Variants in OR6K3 observed in about 807,000 individuals in gnomAD.
OR6K3 encodes olfactory receptor family 6 subfamily K member 3.
For missense variants in OR6K3, 396 were observed against 382.5 expected, an observed-to-expected ratio of 1.04 and a Z score of -0.29; for synonymous variants, 169 against 137.7, an observed-to-expected ratio of 1.23 and a Z score of -1.59.
Position 158,717,711 on chromosome 1 carries a change from G to A in OR6K3, c.405C>T (p.Ile135=), listed in dbSNP as rs1226236007. 5.0e-6 allele frequency: 8 copies of A among 1,613,704 alleles called. No homozygotes were observed. Among genetic ancestry groups the A allele is most frequent in the Non-Finnish European group, 6.8e-6 (8 of 1,179,852 alleles). The change falls in exon 2 of 2, where the codon ATC becomes ATT. Residue 135 remains isoleucine, a synonymous_variant. Coordinates refer to ENST00000368145, the MANE Select transcript of OR6K3 (RefSeq NM_001005327.3). ...AICNPLRYQM[I]MTPRLCAQLS... ...GTTGAGCACAGAGCCGGGGGGTCATGATCATTTGATAGCGAAGAGGGTTGC... is the reference window on the plus strand; with the variant it reads ...GTTGAGCACAGAGCCGGGGGGTCATAATCATTTGATAGCGAAGAGGGTTGC...
In OR6K3 at chr1:158,717,360, G is replaced by A. The variant is rs746251414; in HGVS notation, c.756C>T (p.Gly252=). 19 of 1,613,720 alleles carry A rather than the reference G, an allele frequency of 1.2e-5. No homozygotes were observed. Among genetic ancestry groups the A allele is most frequent in the Non-Finnish European group, 1.6e-5 (19 of 1,179,770 alleles). ...AACGCAAGTACATGAGTGATACACT[G>A]CCAAAGAATATCGGGAAGACCATGA... ...GHLMVFPIFF[G]SVSLMYLRFS... The change falls in exon 2 of 2, where the codon GGC becomes GGT. Residue 252 remains glycine, a synonymous_variant. Coordinates refer to ENST00000368145, the MANE Select transcript of OR6K3 (RefSeq NM_001005327.3).
In OR6K3 at chr1:158,716,403, T is replaced by C. The variant is rs1656144853; in HGVS notation, c.*765A>G. The C allele has an allele frequency of 6.6e-6, 1 of 152,110 alleles. No homozygotes were observed. The highest frequency in any genetic ancestry group is 1.9e-4 in the East Asian group (1 of 5,186). The allele number at this position is 152,110 out of a possible 1,614,324, so 9.4% of individuals were successfully genotyped here. A position where few individuals can be genotyped will look rare whatever the true frequency, so the allele number is the denominator to read the frequency against. ...GTAACTACATAACTAAAAATAAAGA[T>C]ATAACTTAATTAAATGTTGTTTGGG... On this transcript the variant is annotated 3_prime_UTR_variant, in exon 2 of 2. Coordinates refer to ENST00000368145, the MANE Select transcript of OR6K3 (RefSeq NM_001005327.3).
upstream of OR6K3, among the ~76,000 whole-genome samples, chr1:158,723,918 C>T (rs394285): frequency 5.7e-4 from 86 of 152,038 alleles, no homozygotes; most frequent in African/African-American, 1.9e-3. Context: ...CTATATTTTA[C>T]CCACCTGTAT....
upstream of OR6K3, among the ~76,000 whole-genome samples, chr1:158,722,099 CTACT>C (rs1656293721): frequency 6.6e-6 from 1 of 151,894 alleles, no homozygotes; most frequent in South Asian, 2.1e-4. Context: ...AGTAATCCAA[CTACT>C]TATTGGGCTA....
Position 158,717,704 on chromosome 1 carries a change from G to C in OR6K3, c.412C>G (p.Pro138Ala). 6.2e-7 allele frequency: 1 copy of C among 1,613,810 alleles called. No individual in the cohort carries two copies. The highest frequency in any genetic ancestry group is 8.5e-7 in the Non-Finnish European group (1 of 1,179,854). Residue 138 changes from proline (P) to alanine (A), a missense_variant, in exon 2 of 2, where the codon CCC (proline) becomes GCC (alanine). Physicochemically the swap from Pro to Ala is conservative, Grantham distance 27. Coordinates refer to ENST00000368145, the MANE Select transcript of OR6K3 (RefSeq NM_001005327.3). ...NPLRYQMIMT[P>A]RLCAQLSAGS... ...GCAGAGAGTTGAGCACAGAGCCGGG[G>C]GGTCATGATCATTTGATAGCGAAGA...
chr1:158,716,929 C>G lies in OR6K3; in HGVS notation c.*239G>C. ...GGTCAGGAGTTCAAGACCAGCCTGA[C>G]CAACACAGTGAAACCCCATCTCCAC... On this transcript the variant is annotated 3_prime_UTR_variant, in exon 2 of 2. Transcript: ENST00000368145. 2.5e-6 allele frequency: 1 copy of G among 392,574 alleles called. No homozygotes were observed. Among genetic ancestry groups the G allele is most frequent in the South Asian group, 2.7e-5 (1 of 36,444 alleles). 24.3% of individuals were successfully genotyped at this position (392,574 alleles called of 1,614,324 possible). A position where few individuals can be genotyped will look rare whatever the true frequency, so the allele number is the denominator to read the frequency against.
rs1656162080 is a variant in OR6K3 at position 158,717,030 on chromosome 1, A to G, written c.*138T>C. 3 of 667,882 alleles carry G rather than the reference A, an allele frequency of 4.5e-6. 1 individual carries two copies. The allele number at this position is 667,882 out of a possible 1,614,324, so 41.4% of individuals were successfully genotyped here. A position where few individuals can be genotyped will look rare whatever the true frequency, so the allele number is the denominator to read the frequency against. ...CTACTAGGGAGGCTGAGGCAGGAGA[A>G]TTGTTCAAAACCAGGAGGTGGAGGT... On this transcript the variant is annotated 3_prime_UTR_variant, in exon 2 of 2. Transcript: ENST00000368145.
At position 158,717,202 on chromosome 1, in the gene OR6K3, C is replaced by G; in HGVS notation, c.914G>C (p.Cys305Ser). Residue 305 changes from cysteine (C) to serine (S), a missense_variant, in exon 2 of 2, where the codon TGT becomes TCT. Physicochemically the swap from Cys to Ser is moderately radical, Grantham distance 112. Coordinates refer to ENST00000368145, the MANE Select transcript of OR6K3 (RefSeq NM_001005327.3). ...DMNNAIKKLF[C>S]LQKVLNKPGG Reference sequence around the variant, plus strand: ...AGGCTTGTTCAACACTTTTTGAAGACAGAACAGTTTTTTAATCGCATTGTT... The same window carrying G: ...AGGCTTGTTCAACACTTTTTGAAGAGAGAACAGTTTTTTAATCGCATTGTT... 6.2e-7 allele frequency: 1 copy of G among 1,612,618 alleles called. No individual in the cohort carries two copies. The highest frequency in any genetic ancestry group is 8.5e-7 in the Non-Finnish European group (1 of 1,179,218).
Position 158,717,540 on chromosome 1 carries a change from C to T in OR6K3, c.576G>A (p.Thr192=), listed in dbSNP as rs200913569. The T allele has an allele frequency of 5.0e-5, 80 of 1,613,510 alleles. No homozygotes were observed. The highest frequency in any genetic ancestry group is 6.7e-5 in the Admixed American group (4 of 59,956). ...TCACATCCTCAATCAGAATCATGGA[C>T]GTGTCTGTACAGGCCAGGCTTAGCA... ...VPVLSLACTD[T]SMILIEDVIH... The change falls in exon 2 of 2, where the codon ACG becomes ACA. Residue 192 remains threonine (T), a synonymous_variant. Coordinates refer to ENST00000368145, the MANE Select transcript of OR6K3 (RefSeq NM_001005327.3).
rs1371579580 is a variant in OR6K3 at position 158,717,684 on chromosome 1, G to T, written c.432C>A (p.Leu144=). Residue 144 remains leucine, a synonymous_variant, in exon 2 of 2, where the codon CTC becomes CTA. Transcript: ENST00000368145. Reference sequence around the variant, plus strand: ...AACCGAAGAGGCAGGAACCTGCAGAGAGTTGAGCACAGAGCCGGGGGGTCA... The same window carrying T: ...AACCGAAGAGGCAGGAACCTGCAGATAGTTGAGCACAGAGCCGGGGGGTCA... ...MIMTPRLCAQ[L]SAGSCLFGFL... 1 of 1,613,872 alleles carries T rather than the reference G, an allele frequency of 6.2e-7. No homozygotes were observed. The highest frequency in any genetic ancestry group is 8.5e-7 in the Non-Finnish European group (1 of 1,179,864).
rs1294622955 is a variant in OR6K3 at position 158,717,417 on chromosome 1, C to T, written c.699G>A (p.Arg233=). Residue 233 remains arginine (R), a synonymous_variant, in exon 2 of 2, where the codon AGG becomes AGA. Transcript: ENST00000368145. The part of the protein sequence containing the change: ...VILRIPSSEG[R]QKAFSTCAGH... ...CTGCACAGGTAGAAAAAGCCTTTTG[C>T]CTCCCTTCAGAAGAGGGAATCCTCA... 3.1e-6 allele frequency: 5 copies of T among 1,613,668 alleles called. No individual in the cohort carries two copies. The highest frequency in any genetic ancestry group is 1.7e-4 in the Middle Eastern group (1 of 6,056).
intron 1 of OR6K3, among the ~76,000 whole-genome samples, chr1:158,720,134 G>T (rs186363623): frequency 6.6e-6 from 1 of 152,048 alleles, no homozygotes; most frequent in Non-Finnish European, 1.5e-5. Context: ...GAAACACTTG[G>T]AAGTGTTGAA....
At position 158,717,517 on chromosome 1, in the gene OR6K3, A is replaced by C. The variant is rs902209794; in HGVS notation, c.599T>G (p.Val200Gly). Residue 200 changes from valine (V) to glycine (G), a missense_variant, in exon 2 of 2, where the codon GTG becomes GGG. Physicochemically the swap from Val to Gly is moderately radical, Grantham distance 109. Transcript: ENST00000368145. Reference sequence around the variant, plus strand: ...AATGATGATGGTCACAGCATGAATCACATCCTCAATCAGAATCATGGACGT... The same window carrying C: ...AATGATGATGGTCACAGCATGAATCCCATCCTCAATCAGAATCATGGACGT... ...TDTSMILIED[V>G]IHAVTIIITF... 1.2e-6 allele frequency: 2 copies of C among 1,613,620 alleles called. No homozygotes were observed. Among genetic ancestry groups the C allele is most frequent in the African/African-American group, 2.7e-5 (2 of 74,908 alleles).
chr1:158,718,261 A>C, intron 1 of OR6K3, 129 bp from the exon 2 acceptor site: 3 of 608,002 alleles, frequency 4.9e-6, no homozygotes, highest in South Asian at 4.4e-5. Flanking sequence ...CCTGACTTTA[A>C]ACTCATGTAC....
At position 158,717,237 on chromosome 1, in the gene OR6K3, G is replaced by T. The variant is rs748462799; in HGVS notation, c.879C>A (p.Asn293Lys). The change falls in exon 2 of 2, where the codon AAC (asparagine) becomes AAA (lysine). Residue 293 changes from asparagine to lysine, a missense_variant. Asn to Lys is a moderately conservative substitution (Grantham distance 94). Transcript: ENST00000368145. ...TTTTAATCGCATTGTTCATGTCCTT[G>T]TTTCTCAGGCTATAAATGATGGGAT... ...FFNPIIYSLR[N>K]KDMNNAIKKL... is the part of the protein sequence containing the mutation. 1 of 1,613,580 alleles carries T rather than the reference G, an allele frequency of 6.2e-7. No individual in the cohort carries two copies.
chr1:158,719,141 C>A (rs1269648749), intron 1 of OR6K3, among the ~76,000 whole-genome samples: 2 of 151,906 alleles, frequency 1.3e-5, no homozygotes, highest in African/African-American at 4.8e-5. Flanking sequence ...AGGGACGTGA[C>A]GCCCAGATAG....
chr1:158,718,238 T>C (rs1308359491), intron 1 of OR6K3, 106 bp from the exon 2 acceptor site: 3 of 651,632 alleles, frequency 4.6e-6, no homozygotes, highest in Non-Finnish European at 7.9e-6. Context: ...ACCTTGAAGG[T>C]TTCATTTTTT....
intron 1 of OR6K3, among the ~76,000 whole-genome samples, chr1:158,719,481 C>T (rs1656242690): frequency 1.3e-5 from 2 of 152,068 alleles, no homozygotes; most frequent in South Asian, 4.1e-4. Flanking sequence ...TCCGACTCCT[C>T]TCTCCCCTGC....
upstream of OR6K3, among the ~76,000 whole-genome samples, chr1:158,721,836 G>A (rs1333673087): frequency 6.6e-6 from 1 of 151,526 alleles, no homozygotes; most frequent in African/African-American, 2.4e-5. Context: ...TATCTTCCAG[G>A]CAATCTTACA....
Sources: gnomAD v4.1 joint callset for allele counts (sites outside exome capture counted in the v4.1 genomes callset) on GRCh38, gnomAD v4.1.1 for gene constraint, MANE v1.5 for transcripts, NCBI Gene and HGNC (gene_info 2026-07-23, HGNC 2026-07-21) for gene names.